DOCK1: variants seen among roughly 807,000 people sequenced by gnomAD.
DOCK1 encodes the protein dedicator of cytokinesis protein 1.
In DOCK1, 138 loss-of-function variants were observed where a neutral mutation model predicts 262.7. The ratio of observed to expected loss-of-function variants is 0.53; its 90% CI spans 0.46 to 0.61. The LOEUF (loss-of-function observed/expected upper bound fraction) is 0.61, where lower values mean the gene tolerates loss of function less well. Ranked by LOEUF, DOCK1 falls within the 20% of genes least tolerant of loss-of-function variation. DOCK1 has a pLI of 0.00. For missense variants in DOCK1, 1,908 were observed against 2,370.7 expected, an observed-to-expected ratio of 0.80 and a Z score of 4.05; for synonymous variants, 866 against 867.4, an observed-to-expected ratio of 1.00 and a Z score of 0.03.
intron 10 of DOCK1, among the ~76,000 whole-genome samples, chr10:127,003,918 C>T (rs866398112): frequency 2.0e-5 from 3 of 151,106 alleles, no homozygotes; most frequent in Non-Finnish European, 4.4e-5. Flanking sequence ...TGTGTCACTG[C>T]GCTCCAGCTT....
chr10:127,054,029 T>TG (rs2044952388), intron 22 of DOCK1, among the ~76,000 whole-genome samples: 1 of 152,244 alleles, frequency 6.6e-6, no homozygotes, highest in Non-Finnish European at 1.5e-5. Context: ...CGAATACATT[T>TG]GCCTTTGAAA....
chr10:127,166,326 A>G (rs752459860), intron 27 of DOCK1, among the ~76,000 whole-genome samples: 1 of 151,924 alleles, frequency 6.6e-6, no homozygotes, highest in Non-Finnish European at 1.5e-5. Context: ...CGGCCTCCCA[A>G]AGTGCTGGGA....
At chr10:126,975,212 A>G (rs2038426974) in intron 2 of DOCK1, among the ~76,000 whole-genome samples, 1 of 152,086 alleles carries the variant, frequency 6.6e-6, no homozygotes, top group South Asian at 2.1e-4. Flanking sequence ...CATCGTGTGC[A>G]CATTTCATGT....
At position 126,995,935 on chromosome 10, in the gene DOCK1, A is replaced by AAAAGGTGGTG. The variant is rs2040159012; in HGVS notation, c.474-812_474-803dup. ...TCCCTATTGGGGTCAGTGGGGAGTA[A>AAAAGGTGGTG]AAAGGTGGTGGATAGATCTCTCCTC... On this transcript the variant is annotated intron_variant, in intron 6 of 51. Coordinates refer to ENST00000623213, the MANE Select transcript of DOCK1 (RefSeq NM_001290223.2). This position sits in a 1 kb window ranked among gnomAD's most constrained non-coding sequence, Gnocchi z 5.8. 6.6e-6 allele frequency among the ~76,000 whole-genome samples: 1 copy of AAAAGGTGGTG among 152,124 alleles called. No individual in the cohort carries two copies.
chr10:127,296,246 A>C (rs1235859653), intron 29 of DOCK1, among the ~76,000 whole-genome samples: 1 of 152,164 alleles, frequency 6.6e-6, no homozygotes, highest in East Asian at 1.9e-4. Context: ...AGATTCTTAC[A>C]ATGCAACAAA....
chr10:127,242,634 C>T (rs1377058190), intron 27 of DOCK1, among the ~76,000 whole-genome samples: 2 of 152,106 alleles, frequency 1.3e-5, no homozygotes, highest in South Asian at 2.1e-4. Context: ...GAAGTCATCA[C>T]CATTATGTTT....
At chr10:126,987,465 C>A in intron 4 of DOCK1, 56 bp from the exon 5 acceptor site, 1 of 1,428,756 alleles carries the variant, frequency 7.0e-7, no homozygotes, top group Non-Finnish European at 9.6e-7. Context: ...CCAGGTACTA[C>A]TCATAGCAGG....
At chr10:126,973,286 T>G (rs1373267607) in intron 2 of DOCK1, among the ~76,000 whole-genome samples, 3 of 150,528 alleles carry the variant, frequency 2.0e-5, no homozygotes, top group African/African-American at 7.3e-5. Flanking sequence ...TGGAGTATGG[T>G]GGTGCAATTT....
chr10:127,354,178 T>C (rs752498680), intron 31 of DOCK1, among the ~76,000 whole-genome samples: 28 of 152,214 alleles, frequency 1.8e-4, no homozygotes, highest in African/African-American at 6.3e-4. Context: ...GAAGATTTGT[T>C]GGCATCTTTT....
At chr10:127,177,660 C>T (rs1363802632) in intron 27 of DOCK1, among the ~76,000 whole-genome samples, 3 of 152,202 alleles carry the variant, frequency 2.0e-5, no homozygotes, top group Non-Finnish European at 4.4e-5. Flanking sequence ...GCCCAGCTGC[C>T]GACCTTGTGC....
chr10:127,323,825 T>C (rs544954944), intron 29 of DOCK1, among the ~76,000 whole-genome samples: 1 of 152,354 alleles, frequency 6.6e-6, no homozygotes, highest in African/African-American at 2.4e-5. Flanking sequence ...AGCCCCCTTC[T>C]CCTTCATGGG....
At chr10:127,320,583 G>A (rs1282986614) in intron 29 of DOCK1, among the ~76,000 whole-genome samples, 1 of 152,190 alleles carries the variant, frequency 6.6e-6, no homozygotes, top group Non-Finnish European at 1.5e-5. Flanking sequence ...CAAGGCGGAT[G>A]GAGTGAGCAG....
At chr10:127,199,491 T>C (rs1050614404) in intron 27 of DOCK1, among the ~76,000 whole-genome samples, 1 of 152,222 alleles carries the variant, frequency 6.6e-6, no homozygotes, top group African/African-American at 2.4e-5. Context: ...GTTCTTCGTA[T>C]AGTGGAATAC....
At chr10:127,261,228 T>G (rs1360435446) in intron 29 of DOCK1, among the ~76,000 whole-genome samples, 2 of 137,278 alleles carry the variant, frequency 1.5e-5, no homozygotes, top group Non-Finnish European at 3.1e-5. Flanking sequence ...TGCATGTGGG[T>G]GTGCGTGTGT....
At chr10:127,228,026 C>T (rs2058705510) in intron 27 of DOCK1, among the ~76,000 whole-genome samples, 1 of 152,200 alleles carries the variant, frequency 6.6e-6, no homozygotes, top group Non-Finnish European at 1.5e-5. Flanking sequence ...TCTTTCTTCC[C>T]CATTGCCTCT....
chr10:127,201,611 T>G (rs560310059), intron 27 of DOCK1, among the ~76,000 whole-genome samples: 45 of 152,272 alleles, frequency 3.0e-4, no homozygotes, highest in South Asian at 6.2e-4. Flanking sequence ...TTTTGTTTTT[T>G]TCTAATGCTC....
Position 127,336,535 on chromosome 10 carries a change from G to GT in DOCK1, c.3045-2453dup, listed in dbSNP as rs545546680. ...ACATTATTTTAGCATGACATACATA[G>GT]TTTTTTTTTTTTTTTTTTAATTTGA... On this transcript the variant is annotated intron_variant, in intron 29 of 51. Coordinates refer to ENST00000623213, the MANE Select transcript of DOCK1 (RefSeq NM_001290223.2). Among the ~76,000 whole-genome samples the GT allele has an allele frequency of 8.6e-3, 1,191 of 137,888 alleles. 2 individuals carry two copies. Among genetic ancestry groups the GT allele is most frequent in the East Asian group, 0.012 (58 of 4,768 alleles). The allele number at this position is 137,888 out of a possible 152,430, so 90.5% of individuals were successfully genotyped here. A position where few individuals can be genotyped will look rare whatever the true frequency, so the allele number is the denominator to read the frequency against.
rs969163628 is a variant in DOCK1, at chr10:127,023,118, A to C, written c.1328-82A>C. ...TATGTATTTGTAATAATCTATGAGG[A>C]TAGGTAGACAGTCTTGCAAAATTCA... is the stretch of plus-strand genomic sequence containing the variant. On this transcript the variant is annotated intron_variant, in intron 13 of 51. Coordinates refer to ENST00000623213, the MANE Select transcript of DOCK1 (RefSeq NM_001290223.2). 3 of 1,450,482 alleles carry C rather than the reference A, an allele frequency of 2.1e-6. No homozygotes were observed. In the African/African-American group the frequency reaches 4.2e-5, roughly 20 times the overall value. 89.9% of individuals were successfully genotyped at this position (1,450,482 alleles called of 1,614,324 possible).
At chr10:127,363,740 G>A (rs573386430) in intron 33 of DOCK1, among the ~76,000 whole-genome samples, 133 of 152,168 alleles carry the variant, frequency 8.7e-4, no homozygotes, top group African/African-American at 2.9e-3. Context: ...ACATGAAGGC[G>A]GTATCCACGA....
Sources: gnomAD v4.1 joint callset for allele counts (sites outside exome capture counted in the v4.1 genomes callset) on GRCh38, gnomAD v4.1.1 for gene constraint, Gnocchi (gnomAD v3.1) non-coding constraint, MANE v1.5 for transcripts, NCBI Gene and HGNC (gene_info 2026-07-23, HGNC 2026-07-21) for gene names.